Variants in RNLS observed in about 807,000 individuals in gnomAD.
RNLS encodes the protein renalase, FAD dependent amine oxidase.
A neutral mutation model predicts 39.8 loss-of-function variants in RNLS; 39 were observed. The ratio of observed to expected loss-of-function variants is 0.98; its 90% CI spans 0.76 to 1.28. The LOEUF (loss-of-function observed/expected upper bound fraction) is 1.28, where lower values mean the gene tolerates loss of function less well. RNLS is among the 50% of genes most tolerant of loss of function. The pLI, the probability that RNLS is intolerant of heterozygous loss-of-function variation, is 0.00. For missense variants in RNLS, 410 were observed against 413.3 expected (o/e 0.99, Z 0.07); for synonymous variants, 147 against 150.7 (o/e 0.98, Z 0.18).
chr10:88,295,615 G>A (rs1247767283), intron 6 of RNLS, among the ~76,000 whole-genome samples: 2 of 152,112 alleles, frequency 1.3e-5, no homozygotes. Context: ...ACTATTGGTT[G>A]GAATACCTTA....
At chr10:88,577,517 G>A (rs1006837923) in intron 3 of RNLS, among the ~76,000 whole-genome samples, 1 of 152,146 alleles carries the variant, frequency 6.6e-6, no homozygotes, top group African/African-American at 2.4e-5. Context: ...AATTTACTGT[G>A]AGAATTAGAA....
chr10:88,462,066 G>A (rs1232797443), intron 4 of RNLS, among the ~76,000 whole-genome samples: 1 of 151,798 alleles, frequency 6.6e-6, no homozygotes, highest in Non-Finnish European at 1.5e-5. Flanking sequence ...ATTAAGTATT[G>A]GTTCTTCTAT....
At chr10:88,471,919 A>ACT (rs987371609) in intron 4 of RNLS, among the ~76,000 whole-genome samples, 5 of 152,096 alleles carry the variant, frequency 3.3e-5, no homozygotes, top group Non-Finnish European at 7.4e-5. Context: ...GACCTCAGCT[A>ACT]CTGAGATTCC....
chr10:88,402,622 T>C (rs190929208), intron 4 of RNLS, among the ~76,000 whole-genome samples: 2 of 152,178 alleles, frequency 1.3e-5, no homozygotes, highest in African/African-American at 4.8e-5. Context: ...CAACATTTTA[T>C]GCAGAAGACA....
chr10:88,333,823 C>G (rs1282075289), intron 5 of RNLS, among the ~76,000 whole-genome samples: 1 of 152,114 alleles, frequency 6.6e-6, no homozygotes, highest in Non-Finnish European at 1.5e-5. Flanking sequence ...AGTGACCTTA[C>G]AAAAGAGGCT....
chr10:88,502,415 TCC>T (rs1845555791), intron 4 of RNLS, among the ~76,000 whole-genome samples: 1 of 152,018 alleles, frequency 6.6e-6, no homozygotes, highest in Non-Finnish European at 1.5e-5. Flanking sequence ...GAGCATGGCT[TCC>T]CAGGTTTATC....
At chr10:88,555,322 G>A (rs1159748145) in intron 4 of RNLS, among the ~76,000 whole-genome samples, 1 of 152,010 alleles carries the variant, frequency 6.6e-6, no homozygotes, top group African/African-American at 2.4e-5. Flanking sequence ...TGATTTCAGT[G>A]TTTGTCTCCT....
chr10:88,484,187 T>C (rs1484000026), intron 4 of RNLS, among the ~76,000 whole-genome samples: 1 of 152,080 alleles, frequency 6.6e-6, no homozygotes, highest in Non-Finnish European at 1.5e-5. Flanking sequence ...AGGGTTTTAG[T>C]AATAGCTTAT....
intron 4 of RNLS, among the ~76,000 whole-genome samples, chr10:88,463,874 TAACTC>T (rs1242942459): frequency 1.3e-5 from 2 of 151,964 alleles, no homozygotes; most frequent in African/African-American, 4.8e-5. Context: ...TTTGGAAACT[TAACTC>T]TATGATGACT....
chr10:88,176,537 A>G, the RNLS span, among the ~76,000 whole-genome samples: 5 of 152,172 alleles, frequency 3.3e-5, no homozygotes, highest in Non-Finnish European at 7.4e-5. Context: ...ATAGGTAAGA[A>G]TGTACATCAT....
At chr10:88,389,478 C>T (rs996259722) in intron 4 of RNLS, among the ~76,000 whole-genome samples, 26 of 152,070 alleles carry the variant, frequency 1.7e-4, no homozygotes, top group African/African-American at 5.6e-4. Context: ...TTAAAAGTCA[C>T]GATGGAATAA....
At chr10:88,383,368 A>ATTGT (rs1268163773) in intron 4 of RNLS, among the ~76,000 whole-genome samples, 3 of 152,118 alleles carry the variant, frequency 2.0e-5, no homozygotes, top group African/African-American at 7.2e-5. Flanking sequence ...TCAACCTAAA[A>ATTGT]TTGTTAGGCA....
chr10:88,441,633 A>T (rs922619969), intron 4 of RNLS, among the ~76,000 whole-genome samples: 1 of 152,202 alleles, frequency 6.6e-6, no homozygotes, highest in Non-Finnish European at 1.5e-5. Context: ...TCAGTCACAG[A>T]ATGCTTAGCA....
the RNLS span, among the ~76,000 whole-genome samples, chr10:88,252,779 G>C: frequency 6.6e-6 from 1 of 152,158 alleles, no homozygotes; most frequent in South Asian, 2.1e-4. Context: ...ACACTACCGG[G>C]CACATAGTAG....
chr10:88,493,849 C>T (rs559267902), intron 4 of RNLS, among the ~76,000 whole-genome samples: 6 of 152,200 alleles, frequency 3.9e-5, no homozygotes, highest in Non-Finnish European at 5.9e-5. Flanking sequence ...TGCTTTCTAC[C>T]ACTGCTGACG....
chr10:88,178,107 G>A, the RNLS span, among the ~76,000 whole-genome samples: 5 of 152,308 alleles, frequency 3.3e-5, no homozygotes, highest in South Asian at 2.1e-4. Context: ...TTTCTGCTGC[G>A]CGGGACTTCC....
At chr10:88,233,610 A>G in the RNLS span, among the ~76,000 whole-genome samples, 2 of 152,216 alleles carry the variant, frequency 1.3e-5, no homozygotes, top group Admixed American at 6.5e-5. Flanking sequence ...GGATATACCT[A>G]TCCTAGAAGA....
chr10:88,541,281 C>T (rs528409736), intron 4 of RNLS, among the ~76,000 whole-genome samples: 5 of 152,246 alleles, frequency 3.3e-5, no homozygotes, highest in South Asian at 4.1e-4. Flanking sequence ...TCGAAAGGAA[C>T]GACATATCTG....
chr10:88,440,576 T>G (rs1223576142), intron 4 of RNLS, among the ~76,000 whole-genome samples: 1 of 152,208 alleles, frequency 6.6e-6, no homozygotes, highest in Non-Finnish European at 1.5e-5. Context: ...GCTAAATTCT[T>G]TGTATCCCTT....
Sources: allele counts gnomAD v4.1 joint callset (sites outside exome capture counted in the v4.1 genomes callset), GRCh38; gene constraint gnomAD v4.1.1; transcripts MANE v1.5; gene names NCBI Gene and HGNC (gene_info 2026-07-23, HGNC 2026-07-21).